NLGN1: variants seen among roughly 807,000 people sequenced by gnomAD.
The protein encoded by NLGN1 is neuroligin 1.
NLGN1 carries 12 observed loss-of-function variants against 65.5 expected under a neutral mutation model. The observed-to-expected ratio is 0.18, with a 90% CI of 0.12 to 0.30. The LOEUF (loss-of-function observed/expected upper bound fraction) is 0.30, where lower values mean the gene tolerates loss of function less well. Ranked by LOEUF, NLGN1 falls within the 10% of genes least tolerant of loss-of-function variation. The pLI is 1.00. For missense variants in NLGN1, 750 were observed against 1,007.1 expected, an observed-to-expected ratio of 0.74 and a Z score of 3.46; for synonymous variants, 350 against 359.5, an observed-to-expected ratio of 0.97 and a Z score of 0.30.
intron 2 of NLGN1, among the ~76,000 whole-genome samples, chr3:173,485,243 C>T (rs908100083): frequency 4.6e-5 from 7 of 151,970 alleles, no homozygotes; most frequent in African/African-American, 7.3e-5. Context: ...CACTGAGTCC[C>T]TCCCACAACA....
intron 2 of NLGN1, among the ~76,000 whole-genome samples, chr3:173,480,436 A>G (rs560437761): frequency 2.8e-4 from 42 of 152,234 alleles, no homozygotes; most frequent in Non-Finnish European, 4.1e-4. Flanking sequence ...TGAGCCTGCT[A>G]TATTGGTGAT....
intron 3 of NLGN1, among the ~76,000 whole-genome samples, chr3:173,668,317 G>C (rs1761989949): frequency 1.3e-5 from 2 of 152,108 alleles, no homozygotes; most frequent in Non-Finnish European, 2.9e-5. Context: ...GCCAGCAGAA[G>C]TAATGAGCAG....
downstream of NLGN1, among the ~76,000 whole-genome samples, chr3:174,289,268 CTTG>C (rs1752462895): frequency 6.6e-6 from 1 of 151,358 alleles, no homozygotes; most frequent in African/African-American, 2.4e-5. Context: ...TCTACTAATA[CTTG>C]TTGATGTGCT....
intron 4 of NLGN1, among the ~76,000 whole-genome samples, chr3:174,174,782 T>C (rs1170035456): frequency 6.6e-6 from 1 of 151,984 alleles, no homozygotes; most frequent in Non-Finnish European, 1.5e-5. Flanking sequence ...TAAGCACTTA[T>C]AGCTGTAAAC....
intron 4 of NLGN1, among the ~76,000 whole-genome samples, chr3:173,936,773 C>T (rs1476954176): frequency 6.6e-6 from 1 of 152,048 alleles, no homozygotes; most frequent in Non-Finnish European, 1.5e-5. Context: ...ATCAGTTTTT[C>T]ACCTGAAAAT....
chr3:174,138,433 C>CTTTT (rs58713208), intron 4 of NLGN1, among the ~76,000 whole-genome samples: 74 of 132,536 alleles, frequency 5.6e-4, no homozygotes, highest in Admixed American at 1.2e-3. Context: ...TTCTACTATT[C>CTTTT]TTTTTTTTTT....
At chr3:174,139,814 A>G (rs1721971429) in intron 4 of NLGN1, among the ~76,000 whole-genome samples, 1 of 152,128 alleles carries the variant, frequency 6.6e-6, no homozygotes, top group African/African-American at 2.4e-5. Flanking sequence ...TCTAATAGAT[A>G]TGTAGAAATA....
intron 4 of NLGN1, among the ~76,000 whole-genome samples, chr3:173,939,018 A>AG (rs2152304002): frequency 6.6e-6 from 1 of 152,348 alleles, no homozygotes; most frequent in South Asian, 2.1e-4. Context: ...ATTGAAAAAA[A>AG]TATTTTAAAG....
chr3:173,486,077 C>G (rs1728128121), intron 2 of NLGN1, among the ~76,000 whole-genome samples: 2 of 152,068 alleles, frequency 1.3e-5, no homozygotes, highest in African/African-American at 4.8e-5. Flanking sequence ...TGGAGTCTCA[C>G]TCTGCTGCCC....
intron 4 of NLGN1, among the ~76,000 whole-genome samples, chr3:174,030,718 C>G (rs769127012): frequency 3.3e-5 from 5 of 152,054 alleles, no homozygotes; most frequent in Non-Finnish European, 7.4e-5. Context: ...AAAATAACAA[C>G]AAAATTTTGG....
intron 2 of NLGN1, among the ~76,000 whole-genome samples, chr3:173,443,254 A>T (rs954602798): frequency 6.7e-6 from 1 of 149,704 alleles, no homozygotes; most frequent in Non-Finnish European, 1.5e-5. Context: ...AAAAAAAAGA[A>T]GTTTTTTAAA....
chr3:174,290,526 A>G (rs1017314300), downstream of NLGN1, among the ~76,000 whole-genome samples: 24 of 151,142 alleles, frequency 1.6e-4, no homozygotes, highest in African/African-American at 5.6e-4. Context: ...AGAATTTATT[A>G]ACAAGACATA....
At chr3:173,401,808 CAAAAT>C (rs1252055629) in intron 1 of NLGN1, among the ~76,000 whole-genome samples, 3 of 152,062 alleles carry the variant, frequency 2.0e-5, no homozygotes, top group African/African-American at 7.2e-5. Context: ...AGAGTAAACA[CAAAAT>C]AAACATCCAT....
chr3:174,099,126 T>C (rs776172627), intron 4 of NLGN1, among the ~76,000 whole-genome samples: 1 of 152,138 alleles, frequency 6.6e-6, no homozygotes, highest in Non-Finnish European at 1.5e-5. Context: ...AAAAAGCCAA[T>C]GTGCAAAGGA....
intron 4 of NLGN1, among the ~76,000 whole-genome samples, chr3:174,186,603 G>A (rs1482250144): frequency 6.6e-6 from 1 of 151,908 alleles, no homozygotes; most frequent in Non-Finnish European, 1.5e-5. Context: ...AGTCAGAACA[G>A]GTTTCTGTGA....
At chr3:174,216,290 GAGAGAGACA>G (rs1737582238) in intron 4 of NLGN1, among the ~76,000 whole-genome samples, 1 of 152,090 alleles carries the variant, frequency 6.6e-6, no homozygotes, top group African/African-American at 2.4e-5. Context: ...CAGAATGTGT[GAGAGAGACA>G]AATAGAGGGA....
intron 3 of NLGN1, among the ~76,000 whole-genome samples, chr3:173,612,352 G>A (rs1368326158): frequency 6.6e-6 from 1 of 152,082 alleles, no homozygotes; most frequent in African/African-American, 2.4e-5. Flanking sequence ...ATCACAAACT[G>A]TGTGGTTTAA....
chr3:174,157,695 T>G (rs1725711314), intron 4 of NLGN1, among the ~76,000 whole-genome samples: 1 of 151,768 alleles, frequency 6.6e-6, no homozygotes, highest in Non-Finnish European at 1.5e-5. Flanking sequence ...CCTTAACCTC[T>G]TCGTCTGCTG....
At chr3:173,763,799 A>T (rs1284064398) in intron 3 of NLGN1, among the ~76,000 whole-genome samples, 1 of 152,142 alleles carries the variant, frequency 6.6e-6, no homozygotes, top group Non-Finnish European at 1.5e-5. Context: ...AAAAAAAGTA[A>T]GAAAAAGAAG....
Sources: allele counts gnomAD v4.1 joint callset (sites outside exome capture counted in the v4.1 genomes callset), GRCh38; gene constraint gnomAD v4.1.1; transcripts MANE v1.5; gene names NCBI Gene and HGNC (gene_info 2026-07-23, HGNC 2026-07-21).